ADD1: variants seen among roughly 807,000 people sequenced by gnomAD.
ADD1 encodes the protein adducin 1.
ADD1 carries 24 observed loss-of-function variants against 80.5 expected under a neutral mutation model. That is an observed-to-expected ratio of 0.30 (90% CI 0.22 to 0.42). The LOEUF is 0.42. Among genes scored for constraint, ADD1 ranks in the 10% least tolerant of loss-of-function variants. The pLI, the probability that ADD1 is intolerant of heterozygous loss-of-function variation, is 1.00. For missense variants in ADD1, 948 were observed against 1,019.0 expected (o/e 0.93, Z 0.95); for synonymous variants, 373 against 393.8 (o/e 0.95, Z 0.63).
chr4:2,901,141 A>C (rs1322824664), intron 9 of ADD1: 3 of 152,488 alleles, frequency 2.0e-5, no homozygotes, highest in Non-Finnish European at 4.4e-5. Flanking sequence ...AGAAAGCTTG[A>C]GAGTGGGGCA....
At chr4:2,870,533 C>T (rs1290111607) in intron 1 of ADD1, among the ~76,000 whole-genome samples, 5 of 152,102 alleles carry the variant, frequency 3.3e-5, no homozygotes. Flanking sequence ...TGCCATTTAG[C>T]AAACCAACTG....
intron 6 of ADD1, among the ~76,000 whole-genome samples, chr4:2,895,239 G>A (rs540631161): frequency 3.9e-5 from 6 of 152,178 alleles, no homozygotes; most frequent in Admixed American, 3.9e-4. Context: ...CTGGGTGACA[G>A]AGTAAGACCT....
At chr4:2,863,252 G>A (rs982798449) in intron 1 of ADD1, among the ~76,000 whole-genome samples, 2 of 141,896 alleles carry the variant, frequency 1.4e-5, no homozygotes, top group African/African-American at 2.6e-5. Flanking sequence ...TAGAGCTAGG[G>A]TTCTGCCATA....
intron 11 of ADD1, 78 bp downstream of exon 11, chr4:2,907,922 T>G (rs1577671282): frequency 8.4e-7 from 1 of 1,186,440 alleles, no homozygotes; most frequent in Non-Finnish European, 1.3e-6. Context: ...GGGGAGCGGG[T>G]GCTTGCTTCT....
chr4:2,902,436 T>C (rs1400998446), intron 9 of ADD1: 5 of 152,232 alleles, frequency 3.3e-5, no homozygotes, highest in Admixed American at 2.6e-4. Context: ...ATGATTGTTA[T>C]TACCTTTTTA....
chr4:2,859,596 C>T (rs1438652551), intron 1 of ADD1, among the ~76,000 whole-genome samples: 4 of 152,022 alleles, frequency 2.6e-5, no homozygotes, highest in Non-Finnish European at 4.4e-5. Context: ...ACCGTGAGAC[C>T]CTGTCTCAAA....
At chr4:2,876,147 C>G (rs765245921) in intron 2 of ADD1, 37 bp downstream of exon 2, 1 of 1,575,056 alleles carries the variant, frequency 6.3e-7, no homozygotes, top group East Asian at 2.2e-5. Context: ...CAGATGTCAT[C>G]TTTCCTTTTC....
At chr4:2,863,817 C>T (rs1729154788) in intron 1 of ADD1, among the ~76,000 whole-genome samples, 1 of 152,110 alleles carries the variant, frequency 6.6e-6, no homozygotes, top group South Asian at 2.1e-4. Context: ...GATCCTCCTG[C>T]CTCAGCCTCC....
intron 1 of ADD1, among the ~76,000 whole-genome samples, chr4:2,852,335 T>C (rs1177571316): frequency 1.4e-5 from 2 of 145,914 alleles, no homozygotes; most frequent in Non-Finnish European, 3.0e-5. Flanking sequence ...CTTTCTTTTT[T>C]TTTTTTTTTG....
chr4:2,916,707 C>T (rs1328451137), intron 14 of ADD1, among the ~76,000 whole-genome samples: 1 of 152,104 alleles, frequency 6.6e-6, no homozygotes, highest in African/African-American at 2.4e-5. Context: ...CCTGACAGGC[C>T]CTGGTGTGTG....
At chr4:2,850,185 T>G (rs567302473) in intron 1 of ADD1, among the ~76,000 whole-genome samples, 1 of 152,344 alleles carries the variant, frequency 6.6e-6, no homozygotes, top group African/African-American at 2.4e-5. Context: ...TCTGAAAACA[T>G]GCTAAGTGGA....
Position 2,926,751 on chromosome 4 carries a change from T to A in ADD1, c.2047+639T>A. The A allele has an allele frequency of 6.7e-7, 1 of 1,488,106 alleles. No homozygotes were observed. Among genetic ancestry groups the A allele is most frequent in the East Asian group, 2.3e-5 (1 of 43,118 alleles). 92.2% of individuals were successfully genotyped at this position (1,488,106 alleles called of 1,614,324 possible). A position where few individuals can be genotyped will look rare whatever the true frequency, so the allele number is the denominator to read the frequency against. On this transcript the variant is annotated intron_variant, in intron 15 of 15. Transcript: ENST00000683351. The surrounding 1 kb of genome is among the most constrained non-coding windows in gnomAD (Gnocchi z 5.0). ...ATTCTCCTGCTTCTTTGTTGTTTATTAAGTTTTGTTTTCTGTTTATTTAAA... is the reference window on the plus strand; with the variant it reads ...ATTCTCCTGCTTCTTTGTTGTTTATAAAGTTTTGTTTTCTGTTTATTTAAA...
chr4:2,849,942 A>G (rs894818681), intron 1 of ADD1, among the ~76,000 whole-genome samples: 1 of 152,210 alleles, frequency 6.6e-6, no homozygotes, highest in Non-Finnish European at 1.5e-5. Context: ...TGAAAGAGAG[A>G]ATGTTGTGAA....
intron 1 of ADD1, among the ~76,000 whole-genome samples, chr4:2,871,454 A>G (rs143687680): frequency 3.9e-4 from 59 of 152,372 alleles, no homozygotes; most frequent in African/African-American, 1.3e-3. Context: ...AAATAAAAAC[A>G]TAAATTTTTT....
intron 10 of ADD1, chr4:2,907,380 G>C (rs1167812573): frequency 5.7e-6 from 1 of 176,292 alleles, no homozygotes; most frequent in Non-Finnish European, 1.2e-5. Flanking sequence ...AGTTGGCTTT[G>C]GTGTTGGATG....
At chr4:2,880,184 T>G (rs572361750) in intron 2 of ADD1, among the ~76,000 whole-genome samples, 1 of 152,338 alleles carries the variant, frequency 6.6e-6, no homozygotes, top group East Asian at 1.9e-4. Context: ...AAATATGATC[T>G]GCAACATTAT....
rs1297258131 is a variant in ADD1 at position 2,914,801 on chromosome 4, G to A, written c.1792-83G>A. On this transcript the variant is annotated intron_variant, in intron 13 of 15. Coordinates refer to ENST00000683351, the MANE Select transcript of ADD1 (RefSeq NM_001354761.2). ...TGCTCCTGGAAAGCCTCCTGCCCCCGCCCTGCCTGCAGCCTGCCTGGGAGG... is the reference window on the plus strand; with the variant it reads ...TGCTCCTGGAAAGCCTCCTGCCCCCACCCTGCCTGCAGCCTGCCTGGGAGG... The A allele has an allele frequency of 4.5e-5, 68 of 1,499,484 alleles. No individual in the cohort carries two copies. The South Asian group carries it at 6.2e-4, about 14-fold the overall frequency. The allele number at this position is 1,499,484 out of a possible 1,614,324, so 92.9% of individuals were successfully genotyped here. A position where few individuals can be genotyped will look rare whatever the true frequency, so the allele number is the denominator to read the frequency against.
At chr4:2,901,980 C>T (rs1162075293) in intron 9 of ADD1, 1 of 150,064 alleles carries the variant, frequency 6.7e-6, no homozygotes, top group Non-Finnish European at 1.5e-5. Context: ...GTGTTGAACT[C>T]CTGGGCTGAA....
intron 13 of ADD1, among the ~76,000 whole-genome samples, chr4:2,914,297 A>G (rs1006359266): frequency 6.6e-6 from 1 of 152,160 alleles, no homozygotes; most frequent in African/African-American, 2.4e-5. Flanking sequence ...TCTTTGGTAC[A>G]AATTTTCAGA....
Sources: gnomAD v4.1 joint callset for allele counts (sites outside exome capture counted in the v4.1 genomes callset) on GRCh38, gnomAD v4.1.1 for gene constraint, Gnocchi (gnomAD v3.1) non-coding constraint, MANE v1.5 for transcripts, NCBI Gene and HGNC (gene_info 2026-07-23, HGNC 2026-07-21) for gene names.